FLII: variants seen among roughly 807,000 people sequenced by gnomAD.
The protein encoded by FLII is protein flightless-1 homolog.
In FLII, 101 loss-of-function variants were observed where a neutral mutation model predicts 156.2. The ratio of observed to expected loss-of-function variants is 0.65; its 90% confidence interval spans 0.55 to 0.76. The LOEUF (loss-of-function observed/expected upper bound fraction) is 0.76, where lower values mean the gene tolerates loss of function less well. Among genes scored for constraint, FLII ranks in the 30% least tolerant of loss-of-function variants. The probability of loss-of-function intolerance (pLI) is 0.00; values close to 1 mark genes in which losing one functional copy is unlikely to be tolerated. For synonymous variants in FLII, 767 were observed against 685.8 expected, an observed-to-expected ratio of 1.12 and a Z score of -1.85; for missense variants, 1,675 against 1,682.8, an observed-to-expected ratio of 1.00 and a Z score of 0.08.
At chr17:18,247,410 G>C in intron 20 of FLII, 53 bp from the exon 21 acceptor site, 2 of 1,515,818 alleles carry the variant, frequency 1.3e-6, no homozygotes, top group South Asian at 1.2e-5. Context: ...ATTAGAGTTG[G>C]AGGAAGTAGC....
At chr17:18,247,135 C>A (rs755181485) in intron 21 of FLII, 34 bp downstream of exon 21, 108 of 912,776 alleles carry the variant, frequency 1.2e-4, no homozygotes, top group East Asian at 2.4e-4. Flanking sequence ...CCCCCACCCC[C>A]CCCCCCGCGC....
In FLII at chr17:18,250,932, G is replaced by A. The variant is rs1380783221; in HGVS notation, c.1682C>T (p.Ser561Phe). Residue 561 changes from serine (S) to phenylalanine (F), a missense_variant, in exon 14 of 30, where the codon TCT (serine) becomes TTT (phenylalanine). By Grantham distance (155) the Ser-to-Phe change is radical (BLOSUM62 -2). This residue lies in a region of FLII where 1,332 missense variants were observed against 1,269.3 expected (regional missense o/e 1.05). Transcript: ENST00000327031. ...GCGCAAGTTGACAGCGTGGATGGCA[G>A]AGCAAGCTTTCTTGTCGAGTGTGGC... Reference protein sequence around the residue: ...GEATLDKKACSAIHAVNLRNY... With the variant: ...GEATLDKKACFAIHAVNLRNY... The A allele has an allele frequency of 1.4e-5, 22 of 1,614,020 alleles. No individual in the cohort carries two copies. The highest frequency in any genetic ancestry group is 1.7e-5 in the Non-Finnish European group (20 of 1,179,988).
chr17:18,255,377 T>C (rs2048384712), intron 3 of FLII, 114 bp from the exon 4 acceptor site: 2 of 775,036 alleles, frequency 2.6e-6, no homozygotes, highest in Non-Finnish European at 4.4e-6. Context: ...CTGAGGACTC[T>C]CTCACCTCTG....
Position 18,245,922 on chromosome 17 carries a change from C to CCGG in FLII, c.3396+11_3396+12insCCG. 6.2e-7 allele frequency: 1 copy of CCGG among 1,613,816 alleles called. No homozygotes were observed. The highest frequency in any genetic ancestry group is 8.5e-7 in the Non-Finnish European group (1 of 1,179,778). On this transcript the variant is annotated intron_variant, in intron 26 of 29. Coordinates refer to ENST00000327031, the MANE Select transcript of FLII (RefSeq NM_002018.4). ...CCTCTGTGTGTGCCCGCCTGCCCGC[C>CCGG]CGCCTCCTGACCTGCTTGCTGTAGG... is the stretch of plus-strand genomic sequence containing the variant.
Position 18,246,191 on chromosome 17 carries a change from G to A in FLII, c.3238C>T (p.Leu1080Phe). 3.1e-6 allele frequency: 5 copies of A among 1,614,148 alleles called. No individual in the cohort carries two copies. The highest frequency in any genetic ancestry group is 1.6e-4 in the Middle Eastern group (1 of 6,062). The stretch of plus-strand genomic sequence containing the variant: ...AGGATGAAGCAGAACTCGGAGTTGA[G>A]GAGGCTGGAGTCGGTGTTGATCTGG... ...CIQINTDSSL[L>F]NSEFCFILKV... The change falls in exon 25 of 30, where the codon CTC (leucine) becomes TTC (phenylalanine). Residue 1080 changes from leucine to phenylalanine, a missense_variant. Coordinates refer to ENST00000327031, the MANE Select transcript of FLII (RefSeq NM_002018.4).
In FLII at chr17:18,246,945, G is replaced by C. The variant is rs143787650; in HGVS notation, c.2784C>G (p.Phe928Leu). The C allele has an allele frequency of 6.2e-6, 10 of 1,614,194 alleles. No homozygotes were observed. Among genetic ancestry groups the C allele is most frequent in the Non-Finnish European group, 8.5e-6 (10 of 1,180,040 alleles). ...ARLPEEEFGH[F>L]YTQDCYVFLC... Reference sequence around the variant, plus strand: ...GGAAGACGTAGCAGTCCTGCGTGTAGAAGTGGCCAAACTCCTCTTCCGGCA... The same window carrying C: ...GGAAGACGTAGCAGTCCTGCGTGTACAAGTGGCCAAACTCCTCTTCCGGCA... The change falls in exon 22 of 30, where the codon TTC becomes TTG. Residue 928 changes from phenylalanine to leucine, a missense_variant. Physicochemically the swap from Phe to Leu is conservative, Grantham distance 22. Coordinates refer to ENST00000327031, the MANE Select transcript of FLII (RefSeq NM_002018.4).
rs1255403162 is a variant in FLII, at chr17:18,246,646, A to C, written c.2999T>G (p.Phe1000Cys). Residue 1000 changes from phenylalanine (F) to cysteine (C), a missense_variant, in exon 23 of 30, where the codon TTC becomes TGC. This residue lies in a region of FLII where 1,332 missense variants were observed against 1,269.3 expected (regional missense o/e 1.05). Transcript: ENST00000327031. ...GAACTTCTTTTGCAGGCTGAAGGTG[A>C]AGGTGAGCCAGCCCATATTGGAGGC... The part of the protein sequence containing the change: ...REASNMGWLT[F>C]TFSLQKKFES... 1.9e-6 allele frequency: 3 copies of C among 1,613,854 alleles called. No homozygotes were observed. In the African/African-American group the frequency reaches 4.0e-5, roughly 22 times the overall value.
intron 2 of FLII, 79 bp from the exon 3 acceptor site, chr17:18,256,676 C>A: frequency 7.6e-7 from 1 of 1,319,138 alleles, no homozygotes; most frequent in Non-Finnish European, 1.1e-6. Context: ...CAACTCTGCA[C>A]CATCCAGGAA....
Position 18,247,784 on chromosome 17 carries a change from C to T in FLII, c.2360G>A (p.Trp787Ter). The T allele has an allele frequency of 6.2e-7, 1 of 1,611,474 alleles. No individual in the cohort carries two copies. Among genetic ancestry groups the T allele is most frequent in the Non-Finnish European group, 8.5e-7 (1 of 1,179,986 alleles). The change falls in exon 20 of 30, where the codon TGG (tryptophan) becomes TAG (stop). Residue 787 changes from tryptophan (W) to a stop codon, truncating the protein, a stop_gained. Transcript: ENST00000327031. LOFTEE classifies it high-confidence loss of function. Reference protein sequence around the residue: ...ILDCWSDVFIWLGRKSPRLVR... With the variant: ...ILDCWSDVFI ...CAGGCGCGGGGACTTGCGGCCGAGCCAGATGAACACGTCGGACCAACAGTC... is the reference window on the plus strand; with the variant it reads ...CAGGCGCGGGGACTTGCGGCCGAGCTAGATGAACACGTCGGACCAACAGTC...
At chr17:18,255,121 T>C (rs1418904748) in intron 4 of FLII, 62 bp downstream of exon 4, 7 of 1,309,684 alleles carry the variant, frequency 5.3e-6, no homozygotes, top group East Asian at 2.3e-5. Flanking sequence ...GGGACTTTTA[T>C]AGTGAGTGGG....
intron 10 of FLII, 101 bp from the exon 11 acceptor site, chr17:18,252,247 AG>A: frequency 8.5e-7 from 1 of 1,178,660 alleles, no homozygotes; most frequent in Non-Finnish European, 1.2e-6. Flanking sequence ...CAGGGCTGAG[AG>A]GTCAGGGAAC....
intron 18 of FLII, 21 bp downstream of exon 18, chr17:18,248,529 G>C (rs2048160152): frequency 6.3e-7 from 1 of 1,581,624 alleles, no homozygotes; most frequent in African/African-American, 1.4e-5. Context: ...GGCCAAGGTG[G>C]GCCTCAGCAG....
intron 1 of FLII, among the ~76,000 whole-genome samples, chr17:18,257,685 C>G (rs1471666234): frequency 6.6e-6 from 1 of 152,236 alleles, no homozygotes; most frequent in Non-Finnish European, 1.5e-5. Context: ...GAACGGGGAC[C>G]CCAGGTTAGG....
chr17:18,251,214 T>C (rs1458978447), intron 13 of FLII, 51 bp downstream of exon 13: 1 of 1,579,084 alleles, frequency 6.3e-7, no homozygotes, highest in South Asian at 1.1e-5. Flanking sequence ...TGAGCCATCT[T>C]AGAGGAAGGT....
In FLII at chr17:18,251,407, A is replaced by C; in HGVS notation, c.1454T>G (p.Leu485Arg). 1.2e-6 allele frequency: 2 copies of C among 1,613,240 alleles called. No homozygotes were observed. Among genetic ancestry groups the C allele is most frequent in the Non-Finnish European group, 1.7e-6 (2 of 1,179,918 alleles). ...CTCCGTGAAGAACTCGGAGTAGTCA[A>C]GGCGGGGCTTCTCCAGGCCCTGGTC... ...RWDQGLEKPR[L>R]DYSEFFTEDV... The change falls in exon 13 of 30, where the codon CTT becomes CGT. Residue 485 changes from leucine to arginine, a missense_variant. By Grantham distance (102) the Leu-to-Arg change is moderately radical. Transcript: ENST00000327031.
At position 18,247,207 on chromosome 17, in the gene FLII, G is replaced by A. The variant is rs758208799; in HGVS notation, c.2638C>T (p.Leu880Phe). The A allele has an allele frequency of 2.5e-6, 4 of 1,581,244 alleles. No individual in the cohort carries two copies. The highest frequency in any genetic ancestry group is 2.3e-5 in the East Asian group (1 of 43,076). ...ATGGGCGGCTGCCGCGGCAGGAAAA[G>A]CGCAGTGAGGTCAGCCTTCATCTGG... ...KDQMKADLTALFLPRQPPMSL... is the reference protein window; with the variant it reads ...KDQMKADLTAFFLPRQPPMSL... Residue 880 changes from leucine to phenylalanine, a missense_variant, in exon 21 of 30, where the codon CTT (leucine) becomes TTT (phenylalanine). Leu to Phe is a conservative substitution (Grantham distance 22, BLOSUM62 0). This residue lies in a region of FLII where 1,332 missense variants were observed against 1,269.3 expected (regional missense o/e 1.05). Transcript: ENST00000327031.
intron 14 of FLII, among the ~76,000 whole-genome samples, chr17:18,250,242 A>G (rs969282893): frequency 6.6e-6 from 1 of 152,204 alleles, no homozygotes; most frequent in African/African-American, 2.4e-5. Context: ...AGATGCACGC[A>G]TATCAGGGTA....
intron 3 of FLII, among the ~76,000 whole-genome samples, chr17:18,256,007 C>T (rs944129017): frequency 2.0e-5 from 3 of 152,360 alleles, no homozygotes; most frequent in African/African-American, 4.8e-5. Context: ...GGATGGCCCT[C>T]GTTGAGGCCT....
chr17:18,249,538 C>T (rs1387337873), intron 14 of FLII, 130 bp from the exon 15 acceptor site: 2 of 708,398 alleles, frequency 2.8e-6, no homozygotes, highest in East Asian at 2.7e-5. Flanking sequence ...GCCTGTAATC[C>T]CAGCACTTCA....
Sources: allele counts gnomAD v4.1 joint callset (sites outside exome capture counted in the v4.1 genomes callset), GRCh38; gene constraint gnomAD v4.1.1; regional missense constraint gnomAD v4.1.1; transcripts MANE v1.5; gene names NCBI Gene and HGNC (gene_info 2026-07-23, HGNC 2026-07-21).